Variants in AFF4 observed in about 807,000 individuals in gnomAD.
The protein encoded by AFF4 is ALF transcription elongation factor 4.
Under a neutral mutation model 124.8 loss-of-function variants are expected in AFF4, and 13 were observed. The observed-to-expected ratio is 0.10, with a 90% CI of 0.07 to 0.17. The LOEUF is 0.17. AFF4 is among the 10% of genes least tolerant of loss of function. The pLI is 1.00. For synonymous variants in AFF4, 477 were observed against 496.1 expected (o/e 0.96, Z 0.51); for missense variants, 1,092 against 1,403.8 (o/e 0.78, Z 3.55).
At chr5:132,918,734 T>C (rs67656232) in intron 5 of AFF4, among the ~76,000 whole-genome samples, 17,541 of 152,118 alleles carry the variant, frequency 0.12, 1,283 homozygotes, top group South Asian at 0.2. Flanking sequence ...GAAATTAAAT[T>C]AGACCAAAAT....
In AFF4 at chr5:132,904,414, A is replaced by G. The variant is rs750663592; in HGVS notation, c.1051-10T>C. ...TGGACTGCTGAGACTCCTAAGAAAA[A>G]GGAACATAAAATTATACAAAGTTAC... On this transcript the variant is annotated splice_polypyrimidine_tract_variant and intron_variant, in intron 5 of 20. Coordinates refer to ENST00000265343, the MANE Select transcript of AFF4 (RefSeq NM_014423.4). 1 of 1,603,262 alleles carries G rather than the reference A, an allele frequency of 6.2e-7. No homozygotes were observed.
intron 3 of AFF4, among the ~76,000 whole-genome samples, chr5:132,932,620 T>A (rs946661057): frequency 1.3e-5 from 2 of 152,218 alleles, no homozygotes; most frequent in African/African-American, 4.8e-5. Flanking sequence ...GGCTGCAAAT[T>A]TTTTGTGTGA....
At chr5:132,941,706 G>A (rs750651219) in intron 1 of AFF4, among the ~76,000 whole-genome samples, 36 of 151,190 alleles carry the variant, frequency 2.4e-4, no homozygotes, top group Middle Eastern at 3.4e-3. Context: ...GTTTTTTTTC[G>A]CACGCACAAG....
intron 5 of AFF4, among the ~76,000 whole-genome samples, chr5:132,925,882 TCTA>T (rs1761159679): frequency 6.6e-6 from 1 of 152,190 alleles, no homozygotes; most frequent in Non-Finnish European, 1.5e-5. Context: ...ACTCAGCAAT[TCTA>T]CTTTTTGCTT....
chr5:132,956,691 C>T (rs1761967293), intron 1 of AFF4, among the ~76,000 whole-genome samples: 1 of 150,456 alleles, frequency 6.6e-6, no homozygotes, highest in Admixed American at 6.6e-5. Flanking sequence ...AAAATATTGA[C>T]TTGCTAAAAA....
At chr5:132,934,119 T>C (rs373789224) in intron 3 of AFF4, 28 bp downstream of exon 3, 22 of 1,582,346 alleles carry the variant, frequency 1.4e-5, no homozygotes, top group Non-Finnish European at 1.6e-5. Flanking sequence ...GTAGTCACAA[T>C]GTTAAAAGCT....
At chr5:132,951,548 G>A (rs1450973731) in intron 1 of AFF4, among the ~76,000 whole-genome samples, 4 of 151,670 alleles carry the variant, frequency 2.6e-5, no homozygotes, top group Non-Finnish European at 5.9e-5. Context: ...TTTTTTTTCA[G>A]ACAGAGTCTC....
At chr5:132,882,300 A>T (rs1159324537) in intron 20 of AFF4, among the ~76,000 whole-genome samples, 1 of 151,616 alleles carries the variant, frequency 6.6e-6, no homozygotes, top group Non-Finnish European at 1.5e-5. Flanking sequence ...TTTTCATCTG[A>T]TTACCTGTTC....
chr5:132,941,194 C>T (rs1436844962), intron 1 of AFF4, among the ~76,000 whole-genome samples: 1 of 152,034 alleles, frequency 6.6e-6, no homozygotes, highest in African/African-American at 2.4e-5. Context: ...TCTCCAAAAG[C>T]AATAATTCCA....
At chr5:132,910,146 T>C (rs73259140) in intron 5 of AFF4, among the ~76,000 whole-genome samples, 3,943 of 152,218 alleles carry the variant, frequency 0.026, 145 homozygotes, top group African/African-American at 0.089. Flanking sequence ...CAGGGAAAAA[T>C]AGCAAATATG....
intron 1 of AFF4, among the ~76,000 whole-genome samples, chr5:132,942,653 G>A (rs1368337268): frequency 2.6e-5 from 4 of 152,116 alleles, no homozygotes; most frequent in Non-Finnish European, 4.4e-5. Flanking sequence ...AAGTAGAGAT[G>A]GGGTTTCTCC....
chr5:132,910,414 TCTC>T (rs1309583012), intron 5 of AFF4, among the ~76,000 whole-genome samples: 16 of 152,264 alleles, frequency 1.1e-4, no homozygotes, highest in Admixed American at 7.9e-4. Flanking sequence ...CTCCTATACT[TCTC>T]CTTCAAACTC....
rs549716903 is a variant in AFF4, at chr5:132,931,967, C to A, written c.963+211G>T. On this transcript the variant is annotated intron_variant, in intron 4 of 20. Transcript: ENST00000265343. ...TCAAAAAACAAACAAACAACAACAA[C>A]AAAAAAAAACACAAAGAACAAAACT... Among the ~76,000 whole-genome samples the A allele has an allele frequency of 4.7e-4, 71 of 150,138 alleles. 1 individual carries two copies. The South Asian group carries it at 4.9e-3, about 10-fold the overall frequency.
At chr5:132,894,306 T>C (rs1448188499) in intron 11 of AFF4, among the ~76,000 whole-genome samples, 2 of 152,212 alleles carry the variant, frequency 1.3e-5, no homozygotes, top group Non-Finnish European at 2.9e-5. Context: ...ATATCAAAGT[T>C]CCAACTTTTT....
At chr5:132,944,609 T>C (rs968713927) in intron 1 of AFF4, among the ~76,000 whole-genome samples, 1 of 152,084 alleles carries the variant, frequency 6.6e-6, no homozygotes, top group African/African-American at 2.4e-5. Flanking sequence ...GTAGTATCAC[T>C]GCACTCCAGC....
intron 19 of AFF4, among the ~76,000 whole-genome samples, chr5:132,884,868 C>T (rs932687070): frequency 6.6e-6 from 1 of 152,102 alleles, no homozygotes; most frequent in Admixed American, 6.5e-5. Context: ...ACAGGTGAAA[C>T]GTCTCATATC....
At chr5:132,884,121 G>A (rs1171890272) in intron 19 of AFF4, among the ~76,000 whole-genome samples, 2 of 152,130 alleles carry the variant, frequency 1.3e-5, no homozygotes, top group African/African-American at 4.8e-5. Flanking sequence ...AAACATACAT[G>A]TTGAAATCTG....
Position 132,934,375 on chromosome 5 carries a change from A to C in AFF4, c.690T>G (p.Ser230Arg). 6.2e-7 allele frequency: 1 copy of C among 1,614,170 alleles called. No individual in the cohort carries two copies. Among genetic ancestry groups the C allele is most frequent in the Non-Finnish European group, 8.5e-7 (1 of 1,180,038 alleles). The change falls in exon 3 of 21, where the codon AGT (serine) becomes AGG (arginine). Residue 230 changes from serine to arginine, a missense_variant. Physicochemically the swap from Ser to Arg is moderately radical, Grantham distance 110. Around this residue, in one of 11 missense-constraint regions of AFF4, gnomAD observed 188 missense variants for 203.0 expected, o/e 0.93. Transcript: ENST00000265343. ...WDSPSRVPFS[S>R]GQHSTQSFPP... is the part of the protein sequence containing the mutation. ...GGAAAGATTGAGTTGAGTGCTGCCCACTTGAAAAAGGTACACGGGAAGGAG... is the reference window on the plus strand; with the variant it reads ...GGAAAGATTGAGTTGAGTGCTGCCCCCTTGAAAAAGGTACACGGGAAGGAG...
Position 132,878,772 on chromosome 5 carries a change from C to T in AFF4, c.*2287G>A. 1 of 224,562 alleles carries T rather than the reference C, an allele frequency of 4.5e-6. No individual in the cohort carries two copies. Among genetic ancestry groups the T allele is most frequent in the Non-Finnish European group, 8.9e-6 (1 of 112,504 alleles). 13.9% of individuals were successfully genotyped at this position (224,562 alleles called of 1,614,324 possible). A position where few individuals can be genotyped will look rare whatever the true frequency, so the allele number is the denominator to read the frequency against. On this transcript the variant is annotated 3_prime_UTR_variant, in exon 21 of 21. Transcript: ENST00000265343. ...AACCATGCAGGAAACTCTGCTTTAA[C>T]AAAATATCAGTGTGACCCCAAAAAT...
Sources: allele counts gnomAD v4.1 joint callset (sites outside exome capture counted in the v4.1 genomes callset), GRCh38; gene constraint gnomAD v4.1.1; regional missense constraint gnomAD v4.1.1; transcripts MANE v1.5; gene names NCBI Gene and HGNC (gene_info 2026-07-23, HGNC 2026-07-21).